The following EGFLAM variants were observed in gnomAD, a reference collection of about 807,000 sequenced individuals.
EGFLAM encodes the protein pikachurin.
A neutral mutation model predicts 113.1 loss-of-function variants in EGFLAM; 79 were observed. The ratio of observed to expected loss-of-function variants is 0.70; its 90% CI spans 0.58 to 0.84. The LOEUF is 0.84. Among genes scored for constraint, EGFLAM ranks in the 40% least tolerant of loss-of-function variants. The pLI is 0.00. For missense variants in EGFLAM, 1,265 were observed against 1,291.6 expected (o/e 0.98, Z 0.32); for synonymous variants, 504 against 487.6 (o/e 1.03, Z -0.44).
intron 1 of EGFLAM, among the ~76,000 whole-genome samples, chr5:38,274,653 A>C (rs1271721973): frequency 6.6e-6 from 1 of 152,196 alleles, no homozygotes; most frequent in African/African-American, 2.4e-5. Context: ...CAGACAAACA[A>C]AAGCTGAGGA....
intron 5 of EGFLAM, among the ~76,000 whole-genome samples, chr5:38,353,514 G>A (rs1286369136): frequency 6.6e-6 from 1 of 152,206 alleles, no homozygotes; most frequent in African/African-American, 2.4e-5. Flanking sequence ...CTGCTTCTGT[G>A]TCTTGACTTC....
intron 11 of EGFLAM, among the ~76,000 whole-genome samples, chr5:38,416,206 C>T (rs1403684859): frequency 6.6e-6 from 1 of 152,180 alleles, no homozygotes; most frequent in Non-Finnish European, 1.5e-5. Flanking sequence ...CTGAGAGACA[C>T]TGATTCTATC....
rs1261431535 is a variant in EGFLAM at position 38,409,709 on chromosome 5, G to A, written c.1349+605G>A. Among the ~76,000 whole-genome samples, 6 of 152,186 alleles carry A rather than the reference G, an allele frequency of 3.9e-5. No homozygotes were observed. The South Asian group carries it at 1.2e-3, about 32-fold the overall frequency. ...CTCCCTTTGGCAAATGTGGCTGACAGGTGTGGACTGAGAGGAGCCTCCAAC... is the reference window on the plus strand; with the variant it reads ...CTCCCTTTGGCAAATGTGGCTGACAAGTGTGGACTGAGAGGAGCCTCCAAC... On this transcript the variant is annotated intron_variant, in intron 10 of 21. Coordinates refer to ENST00000322350, the MANE Select transcript of EGFLAM (RefSeq NM_152403.4).
chr5:38,406,914 T>C lies in EGFLAM; in HGVS notation c.915T>C (p.Ile305=). The change falls in exon 8 of 22, where the codon ATT becomes ATC. Residue 305 remains isoleucine, a synonymous_variant. Transcript: ENST00000322350. The stretch of plus-strand genomic sequence containing the variant: ...TGTCTATATCTAACCCAAAGACCAT[T>C]TCTAGGCTCATCCCCCCTACCTCAG... ...KKMSISNPKT[I]SRLIPPTSAS... 1 of 1,614,206 alleles carries C rather than the reference T, an allele frequency of 6.2e-7. No individual in the cohort carries two copies. The highest frequency in any genetic ancestry group is 8.5e-7 in the Non-Finnish European group (1 of 1,180,042).
chr5:38,423,838 G>C (rs1741914088), intron 12 of EGFLAM, among the ~76,000 whole-genome samples: 1 of 152,154 alleles, frequency 6.6e-6, no homozygotes, highest in Non-Finnish European at 1.5e-5. Context: ...CCTCTCCTGG[G>C]TCTAACCTGG....
At chr5:38,329,894 G>T (rs1738996096) in intron 1 of EGFLAM, among the ~76,000 whole-genome samples, 1 of 152,072 alleles carries the variant, frequency 6.6e-6, no homozygotes, top group South Asian at 2.1e-4. Flanking sequence ...GACAGTGCCT[G>T]GTATGTATAG....
At chr5:38,401,825 A>G (rs1579874095) in intron 6 of EGFLAM, 1 of 152,338 alleles carries the variant, frequency 6.6e-6, no homozygotes, top group East Asian at 1.9e-4. Context: ...TCTACATACC[A>G]TCTTACACGT....
At chr5:38,264,309 TAATC>T in intron 1 of EGFLAM, among the ~76,000 whole-genome samples, 1 of 152,200 alleles carries the variant, frequency 6.6e-6, no homozygotes, top group East Asian at 1.9e-4. Context: ...TGGGTGTCCA[TAATC>T]ATCCTTAGCA....
At chr5:38,400,805 G>T (rs77758225) in intron 6 of EGFLAM, among the ~76,000 whole-genome samples, 6,645 of 152,240 alleles carry the variant, frequency 0.044, 188 homozygotes, top group Middle Eastern at 0.061. Context: ...TGCCACTAAT[G>T]AGCTGCTTCT....
chr5:38,347,047 A>T (rs920770264), intron 3 of EGFLAM, among the ~76,000 whole-genome samples: 5 of 152,114 alleles, frequency 3.3e-5, no homozygotes, highest in African/African-American at 1.2e-4. Context: ...TGGAAATGGG[A>T]TGAGGGAACA....
intron 17 of EGFLAM, chr5:38,445,427 C>A: frequency 3.0e-6 from 4 of 1,326,496 alleles, no homozygotes; most frequent in East Asian, 5.6e-5. Context: ...CACCGCCACG[C>A]CCACCTTCAA....
In EGFLAM at chr5:38,370,437, G is replaced by C; in HGVS notation, c.687G>C (p.Trp229Cys). Residue 229 changes from tryptophan to cysteine, a missense_variant, in exon 6 of 22, where the codon TGG (tryptophan) becomes TGC (cysteine). Transcript: ENST00000322350. The part of the protein sequence containing the change: ...MNSHGPSPRS[W>C]PSDIIRTLCP... ...CCCATGGCCCCAGCCCCCGCAGCTGGCCCAGTGACATCATCCGGACCCTCT... is the reference window on the plus strand; with the variant it reads ...CCCATGGCCCCAGCCCCCGCAGCTGCCCCAGTGACATCATCCGGACCCTCT... 1 of 1,614,082 alleles carries C rather than the reference G, an allele frequency of 6.2e-7. No homozygotes were observed. The highest frequency in any genetic ancestry group is 8.5e-7 in the Non-Finnish European group (1 of 1,180,010).
intron 1 of EGFLAM, among the ~76,000 whole-genome samples, chr5:38,261,439 ATTATCACTG>A (rs984186016): frequency 6.6e-6 from 1 of 152,214 alleles, no homozygotes; most frequent in Non-Finnish European, 1.5e-5. Flanking sequence ...GGGGACTATT[ATTATCACTG>A]TTTTACTGAA....
intron 1 of EGFLAM, among the ~76,000 whole-genome samples, chr5:38,299,456 G>A (rs1758521466): frequency 6.6e-6 from 1 of 152,166 alleles, no homozygotes; most frequent in African/African-American, 2.4e-5. Flanking sequence ...CAAATCTCAT[G>A]TTGAAATGTA....
At chr5:38,343,773 A>G (rs1161013419) in intron 3 of EGFLAM, among the ~76,000 whole-genome samples, 1 of 152,196 alleles carries the variant, frequency 6.6e-6, no homozygotes, top group Admixed American at 6.5e-5. Context: ...CACTAAGGCA[A>G]CTGAGGCCCA....
chr5:38,361,399 A>C (rs1435583290), intron 5 of EGFLAM, among the ~76,000 whole-genome samples: 2 of 152,184 alleles, frequency 1.3e-5, no homozygotes, highest in African/African-American at 4.8e-5. Context: ...TCCTCTTGGA[A>C]CATGAATGCA....
chr5:38,331,434 T>C (rs1739039429), intron 1 of EGFLAM, among the ~76,000 whole-genome samples: 1 of 152,194 alleles, frequency 6.6e-6, no homozygotes, highest in Non-Finnish European at 1.5e-5. Context: ...TGGCAACCAC[T>C]GGTCTTTTTT....
chr5:38,285,808 A>C (rs1758147439), intron 1 of EGFLAM: 1 of 152,110 alleles, frequency 6.6e-6, no homozygotes, highest in African/African-American at 2.4e-5. Flanking sequence ...GCCCCTTATA[A>C]AATCATCAGT....
intron 16 of EGFLAM, among the ~76,000 whole-genome samples, chr5:38,437,705 G>A (rs1020705537): frequency 6.6e-6 from 1 of 152,114 alleles, no homozygotes; most frequent in Admixed American, 6.6e-5. Context: ...TAGTTCTTGG[G>A]ACTTCTTTAC....
Sources: allele counts gnomAD v4.1 joint callset (sites outside exome capture counted in the v4.1 genomes callset), GRCh38; gene constraint gnomAD v4.1.1; transcripts MANE v1.5; gene names NCBI Gene and HGNC (gene_info 2026-07-23, HGNC 2026-07-21).